The following OR2G6 variants were observed in gnomAD, a reference collection of about 807,000 sequenced individuals.
OR2G6 encodes the protein olfactory receptor 2G6.
For missense variants in OR2G6, 457 were observed against 391.3 expected (o/e 1.17, Z -1.42); for synonymous variants, 183 against 155.2 (o/e 1.18, Z -1.33).
intron 1 of OR2G6, among the ~76,000 whole-genome samples, chr1:248,519,998 A>G (rs1664247271): frequency 1.3e-5 from 2 of 152,112 alleles, no homozygotes; most frequent in South Asian, 4.1e-4. Flanking sequence ...GGCACTATTC[A>G]CAACAGCAAA....
In OR2G6 at chr1:248,523,747, T is replaced by C. The variant is rs147609718; in HGVS notation, c.*1150T>C. ...CTTTCTTTTCCCAAAACGATTGAACTTCATCAATTCGTCAACCTCAAGTAT... is the reference window on the plus strand; with the variant it reads ...CTTTCTTTTCCCAAAACGATTGAACCTCATCAATTCGTCAACCTCAAGTAT... On this transcript the variant is annotated 3_prime_UTR_variant, in exon 2 of 2. Coordinates refer to ENST00000641804, the MANE Select transcript of OR2G6 (RefSeq NM_001013355.2). The C allele has an allele frequency of 9.2e-4, 140 of 152,316 alleles. 1 individual carries two copies. The highest frequency in any genetic ancestry group is 3.4e-3 in the Middle Eastern group (1 of 294). The allele number at this position is 152,316 out of a possible 1,614,324, so 9.4% of individuals were successfully genotyped here.
At chr1:248,519,567 G>T (rs990311940) in intron 1 of OR2G6, among the ~76,000 whole-genome samples, 1 of 152,006 alleles carries the variant, frequency 6.6e-6, no homozygotes, top group African/African-American at 2.4e-5. Context: ...AGTTTTCCCA[G>T]CACCATTTAT....
At position 248,521,980 on chromosome 1, in the gene OR2G6, T is replaced by C. The variant is rs762314895; in HGVS notation, c.334T>C (p.Cys112Arg). The change falls in exon 2 of 2, where the codon TGT becomes CGT. Residue 112 changes from cysteine to arginine, a missense_variant. By Grantham distance (180) the Cys-to-Arg change is radical (BLOSUM62 -3). Transcript: ENST00000641804. ...YVAMGLGSSE[C>R]ILLAVMAYDR... ...GGCCATGGGGTTGGGCTCGTCTGAGTGTATTCTCTTGGCCGTCATGGCTTA... is the reference window on the plus strand; with the variant it reads ...GGCCATGGGGTTGGGCTCGTCTGAGCGTATTCTCTTGGCCGTCATGGCTTA... 2 of 1,614,088 alleles carry C rather than the reference T, an allele frequency of 1.2e-6. No homozygotes were observed. The highest frequency in any genetic ancestry group is 1.7e-6 in the Non-Finnish European group (2 of 1,179,992).
In OR2G6 at chr1:248,522,261, C is replaced by CTT. The variant is rs975787962; in HGVS notation, c.617_618dup (p.Leu207PhefsTer2). 7 of 1,614,118 alleles carry CTT rather than the reference C, an allele frequency of 4.3e-6. No homozygotes were observed. Among genetic ancestry groups the CTT allele is most frequent in the Non-Finnish European group, 5.1e-6 (6 of 1,180,002 alleles). On this transcript the variant is annotated frameshift_variant, in exon 2 of 2. Transcript: ENST00000641804. LOFTEE classifies it low-confidence loss of function (END_TRUNC). ...CAGAACTCTTTGTGGCCAGTGTAGT[C>CTT]TTTCTAATTGTCCCGGTGTTACTCA...
At chr1:248,521,285 G>A (rs1447106066) in intron 1 of OR2G6, among the ~76,000 whole-genome samples, 1 of 152,056 alleles carries the variant, frequency 6.6e-6, no homozygotes, top group Non-Finnish European at 1.5e-5. Context: ...TGGGTCAGTT[G>A]CTTTACCTGC....
At position 248,524,305 on chromosome 1, in the gene OR2G6, T is replaced by C. The variant is rs1022607450; in HGVS notation, c.*1708T>C. 11 of 152,196 alleles carry C rather than the reference T, an allele frequency of 7.2e-5. No individual in the cohort carries two copies. The highest frequency in any genetic ancestry group is 2.7e-4 in the African/African-American group (11 of 41,454). 9.4% of individuals were successfully genotyped at this position (152,196 alleles called of 1,614,324 possible). On this transcript the variant is annotated 3_prime_UTR_variant, in exon 2 of 2. Coordinates refer to ENST00000641804, the MANE Select transcript of OR2G6 (RefSeq NM_001013355.2). Reference sequence around the variant, plus strand: ...AGCAAACAAAATGATGAATATCCAATTTAACAAAAACGAGGGAAAAGAAGC... The same window carrying C: ...AGCAAACAAAATGATGAATATCCAACTTAACAAAAACGAGGGAAAAGAAGC...
At chr1:248,520,373 T>G (rs1664257907) in intron 1 of OR2G6, among the ~76,000 whole-genome samples, 1 of 152,120 alleles carries the variant, frequency 6.6e-6, no homozygotes, top group Non-Finnish European at 1.5e-5. Flanking sequence ...ATGTGTATAC[T>G]TATGTAACGT....
Position 248,525,819 on chromosome 1 carries a change from G to T in OR2G6, c.*3222G>T, listed in dbSNP as rs1049671243. The stretch of plus-strand genomic sequence containing the variant: ...TCATGAGGTCAGGAGTTCAAGCTCA[G>T]CCTGGCCAGCATGGTGAAACCCCAT... On this transcript the variant is annotated 3_prime_UTR_variant, in exon 2 of 2. Transcript: ENST00000641804. 3.3e-5 allele frequency: 5 copies of T among 152,068 alleles called. No individual in the cohort carries two copies. Among genetic ancestry groups the T allele is most frequent in the African/African-American group, 1.2e-4 (5 of 41,416 alleles). 9.4% of individuals were successfully genotyped at this position (152,068 alleles called of 1,614,324 possible).
rs368251874 is a variant in OR2G6 at position 248,522,057 on chromosome 1, C to T, written c.411C>T (p.His137=). The change falls in exon 2 of 2, where the codon CAC becomes CAT. Residue 137 remains histidine (H), a synonymous_variant. Coordinates refer to ENST00000641804, the MANE Select transcript of OR2G6 (RefSeq NM_001013355.2). ...CRPLRYIAIM[H]PRFCASLAGG... ...CACTGCGCTACATAGCCATTATGCA[C>T]CCCAGGTTCTGTGCGTCTCTGGCCG... 4.3e-6 allele frequency: 7 copies of T among 1,614,038 alleles called. No individual in the cohort carries two copies. The highest frequency in any genetic ancestry group is 4.5e-5 in the East Asian group (2 of 44,888).
In OR2G6 at chr1:248,525,839, C is replaced by T. The variant is rs1446993302; in HGVS notation, c.*3242C>T. On this transcript the variant is annotated 3_prime_UTR_variant, in exon 2 of 2. Coordinates refer to ENST00000641804, the MANE Select transcript of OR2G6 (RefSeq NM_001013355.2). Reference sequence around the variant, plus strand: ...GCTCAGCCTGGCCAGCATGGTGAAACCCCATGTCTCCTAAAAAAAATACAA... The same window carrying T: ...GCTCAGCCTGGCCAGCATGGTGAAATCCCATGTCTCCTAAAAAAAATACAA... 6.6e-6 allele frequency: 1 copy of T among 151,952 alleles called. No individual in the cohort carries two copies. Among genetic ancestry groups the T allele is most frequent in the Non-Finnish European group, 1.5e-5 (1 of 67,998 alleles). The allele number at this position is 151,952 out of a possible 1,614,324, so 9.4% of individuals were successfully genotyped here.
chr1:248,521,921 T>C lies in OR2G6; in HGVS notation c.275T>C (p.Met92Thr), dbSNP rs567337506. The C allele has an allele frequency of 5.6e-6, 9 of 1,609,606 alleles. No individual in the cohort carries two copies. The South Asian group carries it at 7.7e-5, about 14-fold the overall frequency. Residue 92 changes from methionine (M) to threonine (T), a missense_variant, in exon 2 of 2, where the codon ATG (methionine) becomes ACG (threonine). Physicochemically the swap from Met to Thr is moderately conservative, Grantham distance 81 (BLOSUM62 -1). Transcript: ENST00000641804. Reference protein sequence around the residue: ...LVTMNKKDKTMSYGGCVAQLY... With the variant: ...LVTMNKKDKTTSYGGCVAQLY... The stretch of plus-strand genomic sequence containing the variant: ...ACCATGAATAAGAAAGACAAAACCA[T>C]GAGCTACGGTGGCTGTGTGGCCCAG...
At position 248,522,597 on chromosome 1, in the gene OR2G6, G is replaced by GT; in HGVS notation, c.951_*1insT. On this transcript the variant is annotated 3_prime_UTR_variant, in exon 2 of 2. Coordinates refer to ENST00000641804, the MANE Select transcript of OR2G6 (RefSeq NM_001013355.2). ...CTGCTGGACAAAGCCACAAGGACTA[G>GT]GAAACACCTGGAATTCTAAACAAGG... 1 of 1,582,486 alleles carries GT rather than the reference G, an allele frequency of 6.3e-7. No individual in the cohort carries two copies. The highest frequency in any genetic ancestry group is 2.2e-5 in the East Asian group (1 of 44,732).
chr1:248,525,488 T>TATTAATGAATTCATGAAAA lies in OR2G6; in HGVS notation c.*2893_*2911dup, dbSNP rs1664378313. 6.6e-6 allele frequency: 1 copy of TATTAATGAATTCATGAAAA among 151,786 alleles called. No homozygotes were observed. Among genetic ancestry groups the TATTAATGAATTCATGAAAA allele is most frequent in the Non-Finnish European group, 1.5e-5 (1 of 67,990 alleles). 9.4% of individuals were successfully genotyped at this position (151,786 alleles called of 1,614,324 possible). On this transcript the variant is annotated 3_prime_UTR_variant, in exon 2 of 2. Coordinates refer to ENST00000641804, the MANE Select transcript of OR2G6 (RefSeq NM_001013355.2). ...AAATAAAATGATTTTACATAACAAA[T>TATTAATGAATTCATGAAAA]ATTAATGAATTCATGAAAAACAAAA...
intron 1 of OR2G6, among the ~76,000 whole-genome samples, chr1:248,521,040 T>A (rs1375917611): frequency 1.5e-4 from 13 of 83,948 alleles, no homozygotes; most frequent in Non-Finnish European, 2.2e-4. Flanking sequence ...AGATTCCATC[T>A]AAAAAAAAAA....
In OR2G6 at chr1:248,526,590, T is replaced by C. The variant is rs888332461; in HGVS notation, c.*3993T>C. ...TGCAAAGTAGAGAGAAATTCCCTTT[T>C]GCTTTGGCAGAGAGAGGAGAAAATA... is the stretch of plus-strand genomic sequence containing the variant. On this transcript the variant is annotated 3_prime_UTR_variant, in exon 2 of 2. Transcript: ENST00000641804. 3.3e-5 allele frequency: 5 copies of C among 152,000 alleles called. No homozygotes were observed. Among genetic ancestry groups the C allele is most frequent in the African/African-American group, 1.2e-4 (5 of 41,246 alleles). The allele number at this position is 152,000 out of a possible 1,614,324, so 9.4% of individuals were successfully genotyped here.
chr1:248,524,240 C>G lies in OR2G6; in HGVS notation c.*1643C>G, dbSNP rs1664351742. The G allele has an allele frequency of 6.6e-6, 1 of 152,204 alleles. No individual in the cohort carries two copies. Among genetic ancestry groups the G allele is most frequent in the Non-Finnish European group, 1.5e-5 (1 of 68,042 alleles). 9.4% of individuals were successfully genotyped at this position (152,204 alleles called of 1,614,324 possible). ...ACTAATGACTCAGGCTGCCTCTTCA[C>G]AAATACCCTGTCCAGCTGGCACCTC... On this transcript the variant is annotated 3_prime_UTR_variant, in exon 2 of 2. Coordinates refer to ENST00000641804, the MANE Select transcript of OR2G6 (RefSeq NM_001013355.2).
Position 248,526,576 on chromosome 1 carries a change from G to A in OR2G6, c.*3979G>A, listed in dbSNP as rs1052664362. 1 of 152,166 alleles carries A rather than the reference G, an allele frequency of 6.6e-6. No homozygotes were observed. The highest frequency in any genetic ancestry group is 2.1e-4 in the South Asian group (1 of 4,828). 9.4% of individuals were successfully genotyped at this position (152,166 alleles called of 1,614,324 possible). A position where few individuals can be genotyped will look rare whatever the true frequency, so the allele number is the denominator to read the frequency against. ...ACAGCTTCTCACTGTGCAAAGTAGAGAGAAATTCCCTTTTGCTTTGGCAGA... is the reference window on the plus strand; with the variant it reads ...ACAGCTTCTCACTGTGCAAAGTAGAAAGAAATTCCCTTTTGCTTTGGCAGA... On this transcript the variant is annotated 3_prime_UTR_variant, in exon 2 of 2. Transcript: ENST00000641804.
chr1:248,519,681 A>G (rs1203169169), intron 1 of OR2G6, among the ~76,000 whole-genome samples: 1 of 151,856 alleles, frequency 6.6e-6, no homozygotes, highest in Non-Finnish European at 1.5e-5. Context: ...GTTCTGTTCC[A>G]TTGGTCTATA....
intron 1 of OR2G6, among the ~76,000 whole-genome samples, chr1:248,520,771 G>A (rs867914384): frequency 6.6e-6 from 1 of 151,808 alleles, no homozygotes; most frequent in South Asian, 2.1e-4. Context: ...CACTTTGGGA[G>A]GCTGAGGTAG....
Sources: gnomAD v4.1 joint callset for allele counts (sites outside exome capture counted in the v4.1 genomes callset) on GRCh38, gnomAD v4.1.1 for gene constraint, MANE v1.5 for transcripts, NCBI Gene and HGNC (gene_info 2026-07-23, HGNC 2026-07-21) for gene names.